MAP4: variants seen among roughly 807,000 people sequenced by gnomAD.
MAP4 encodes microtubule-associated protein 4.
Under a neutral mutation model 170.2 loss-of-function variants are expected in MAP4, and 76 were observed. The observed-to-expected ratio is 0.45, with a 90% CI of 0.37 to 0.54. The LOEUF (loss-of-function observed/expected upper bound fraction) is 0.54. Among genes scored for constraint, MAP4 ranks in the 20% least tolerant of loss-of-function variants. MAP4 has a pLI of 0.00. For synonymous variants in MAP4, 909 were observed against 994.5 expected (o/e 0.91, Z 1.62); for missense variants, 2,506 against 2,748.0 (o/e 0.91, Z 1.97).
intron 1 of MAP4, among the ~76,000 whole-genome samples, chr3:48,022,847 C>A (rs865954115): frequency 6.6e-6 from 1 of 151,946 alleles, no homozygotes; most frequent in Non-Finnish European, 1.5e-5. Context: ...GCCAAGATTG[C>A]GCCACGGCAC....
intron 3 of MAP4, among the ~76,000 whole-genome samples, chr3:47,966,300 T>G (rs546591567): frequency 2.9e-5 from 4 of 137,526 alleles, no homozygotes; most frequent in African/African-American, 8.0e-5. Flanking sequence ...CAGGCTGAAG[T>G]GCAGTGGCGC....
chr3:48,087,163 A>G lies in MAP4; in HGVS notation c.-20+1610T>C, dbSNP rs771157006. 2.0e-5 allele frequency among the ~76,000 whole-genome samples: 3 copies of G among 152,238 alleles called. No individual in the cohort carries two copies. In the South Asian group the frequency reaches 6.2e-4, roughly 31 times the overall value. On this transcript the variant is annotated intron_variant, in intron 1 of 18. Coordinates refer to the MAP4 transcript ENST00000360240. Reference sequence around the variant, plus strand: ...AACATTTCATTTGAAAAGTAGTAGTACGGATCAGCAAACTACGTTAATTTA... The same window carrying G: ...AACATTTCATTTGAAAAGTAGTAGTGCGGATCAGCAAACTACGTTAATTTA...
chr3:47,912,421 G>T lies in MAP4; in HGVS notation c.2000C>A (p.Ala667Asp). ...QPSELSSETS[A>D]NFMYCGTPPT... ...AGGGGTACCGCAATACATGAAGTTG[G>T]CTAAAATTCCAAACAAAAAACTCCT... Residue 667 changes from alanine to aspartate, a missense_variant and splice_region_variant, in exon 9 of 21, where the codon GCC becomes GAC. By Grantham distance (126) the Ala-to-Asp change is moderately radical. Coordinates refer to ENST00000683076, the MANE Select transcript of MAP4 (RefSeq NM_001385682.1). 6.8e-7 allele frequency: 1 copy of T among 1,460,410 alleles called. No individual in the cohort carries two copies. The allele number at this position is 1,460,410 out of a possible 1,614,324, so 90.5% of individuals were successfully genotyped here. A position where few individuals can be genotyped will look rare whatever the true frequency, so the allele number is the denominator to read the frequency against.
At chr3:47,971,972 A>T (rs1175438716) in intron 3 of MAP4, among the ~76,000 whole-genome samples, 1 of 152,232 alleles carries the variant, frequency 6.6e-6, no homozygotes, top group Non-Finnish European at 1.5e-5. Flanking sequence ...TATGTATAAG[A>T]AAGTTAATGG....
intron 1 of MAP4, among the ~76,000 whole-genome samples, chr3:48,035,943 CT>C (rs1443047450): frequency 3.3e-5 from 5 of 151,878 alleles, no homozygotes; most frequent in African/African-American, 9.7e-5. Flanking sequence ...CCATCCCCCC[CT>C]CTCAAAAAAA....
chr3:48,053,104 C>T (rs2100128781), intron 1 of MAP4, among the ~76,000 whole-genome samples: 1 of 152,166 alleles, frequency 6.6e-6, no homozygotes, highest in Non-Finnish European at 1.5e-5. Flanking sequence ...TTGAGTTATA[C>T]TGCAGCTACT....
chr3:48,077,837 G>T (rs1380527773), intron 1 of MAP4, among the ~76,000 whole-genome samples: 1 of 152,116 alleles, frequency 6.6e-6, no homozygotes, highest in Non-Finnish European at 1.5e-5. Flanking sequence ...TCCATGTAAT[G>T]TAATATTATT....
intron 18 of MAP4, among the ~76,000 whole-genome samples, chr3:47,856,153 C>T (rs1012308548): frequency 1.3e-5 from 2 of 152,184 alleles, no homozygotes; most frequent in African/African-American, 4.8e-5. Flanking sequence ...CCCTCCCGCG[C>T]CCAGCAGCGT....
At chr3:47,993,278 T>C (rs2100093484) in intron 2 of MAP4, among the ~76,000 whole-genome samples, 1 of 152,092 alleles carries the variant, frequency 6.6e-6, no homozygotes, top group Non-Finnish European at 1.5e-5. Context: ...GTGCTATGGT[T>C]ACACCTGTAA....
intron 3 of MAP4, among the ~76,000 whole-genome samples, chr3:47,936,718 C>T (rs1451670695): frequency 2.6e-5 from 4 of 151,628 alleles, no homozygotes; most frequent in Non-Finnish European, 4.4e-5. Flanking sequence ...CGGTGGCTGG[C>T]GCCTGTAATC....
chr3:47,927,597 T>A (rs956571733), intron 4 of MAP4, among the ~76,000 whole-genome samples: 38 of 152,194 alleles, frequency 2.5e-4, no homozygotes, highest in Admixed American at 2.2e-3. Flanking sequence ...TGCCTCAGCC[T>A]CCCGAGTAGC....
At position 47,918,992 on chromosome 3, in the gene MAP4, C is replaced by T. The variant is rs531313187; in HGVS notation, c.530-151G>A. On this transcript the variant is annotated intron_variant, in intron 5 of 20. Transcript: ENST00000683076. Reference sequence around the variant, plus strand: ...TGCCCACGCAGACAGAGTGAAGTGGCGTGATCTCGGCTCACTGCAAGCTCC... The same window carrying T: ...TGCCCACGCAGACAGAGTGAAGTGGTGTGATCTCGGCTCACTGCAAGCTCC... The T allele has an allele frequency of 6.5e-5, 36 of 551,912 alleles. 1 individual carries two copies. The highest frequency in any genetic ancestry group is 4.7e-4 in the South Asian group (23 of 49,140). The allele number at this position is 551,912 out of a possible 1,614,324, so 34.2% of individuals were successfully genotyped here. A position where few individuals can be genotyped will look rare whatever the true frequency, so the allele number is the denominator to read the frequency against.
intron 2 of MAP4, among the ~76,000 whole-genome samples, chr3:47,990,945 T>C (rs2100091787): frequency 6.6e-6 from 1 of 151,662 alleles, no homozygotes; most frequent in Non-Finnish European, 1.5e-5. Context: ...AGAAGAAGAG[T>C]TTGACACCAA....
chr3:47,977,340 G>A (rs950551659), intron 3 of MAP4, among the ~76,000 whole-genome samples: 13 of 152,142 alleles, frequency 8.5e-5, no homozygotes, highest in African/African-American at 3.1e-4. Context: ...AATGCTAACT[G>A]AAAGAATATC....
At chr3:47,953,779 C>T (rs1186159372) in intron 3 of MAP4, among the ~76,000 whole-genome samples, 1 of 151,986 alleles carries the variant, frequency 6.6e-6, no homozygotes, top group Non-Finnish European at 1.5e-5. Flanking sequence ...TTTGGGAGGC[C>T]GAGCCAGGTG....
intron 1 of MAP4, among the ~76,000 whole-genome samples, chr3:48,068,677 G>A (rs1282892797): frequency 4.6e-5 from 7 of 152,072 alleles, no homozygotes; most frequent in Non-Finnish European, 7.4e-5. Flanking sequence ...CCAGCTACTC[G>A]GAAGGCAGAG....
intron 1 of MAP4, among the ~76,000 whole-genome samples, chr3:48,087,307 T>C (rs1258777024): frequency 2.6e-5 from 4 of 152,172 alleles, no homozygotes; most frequent in African/African-American, 9.7e-5. Flanking sequence ...TTAGCAACTT[T>C]AATGTTGTCT....
chr3:47,897,973 T>G (rs2100027926), intron 10 of MAP4, among the ~76,000 whole-genome samples: 2 of 150,188 alleles, frequency 1.3e-5, no homozygotes, highest in Non-Finnish European at 3.0e-5. Context: ...GAAAGAATGG[T>G]CCTGCTTTAA....
intron 12 of MAP4, among the ~76,000 whole-genome samples, chr3:47,873,028 C>A (rs2093983283): frequency 6.6e-6 from 1 of 152,122 alleles, no homozygotes; most frequent in African/African-American, 2.4e-5. Context: ...AGCCTCTGAG[C>A]TTTATTTCCT....
Sources: allele counts gnomAD v4.1 joint callset (sites outside exome capture counted in the v4.1 genomes callset), GRCh38; gene constraint gnomAD v4.1.1; transcripts MANE v1.5; gene names NCBI Gene and HGNC (gene_info 2026-07-23, HGNC 2026-07-21).